The following RGS8 variants were observed in gnomAD, a reference collection of about 807,000 sequenced individuals.
RGS8 encodes regulator of G protein signaling 8.
In RGS8, 8 loss-of-function variants were observed where a neutral mutation model predicts 21.7. That is an observed-to-expected ratio of 0.37 (90% confidence interval 0.22 to 0.66). The LOEUF (loss-of-function observed/expected upper bound fraction) is 0.66. Ranked by LOEUF, RGS8 falls within the 30% of genes least tolerant of loss-of-function variation. The probability of loss-of-function intolerance (pLI) is 0.59; values close to 1 mark genes in which losing one functional copy is unlikely to be tolerated. For synonymous variants in RGS8, 80 were observed against 83.6 expected, an observed-to-expected ratio of 0.96 and a Z score of 0.24; for missense variants, 157 against 217.9, an observed-to-expected ratio of 0.72 and a Z score of 1.76.
the RGS8 span, among the ~76,000 whole-genome samples, chr1:182,707,285 G>T: frequency 6.6e-6 from 1 of 152,154 alleles, no homozygotes; most frequent in Admixed American, 6.5e-5. Context: ...ACAACCTTTT[G>T]TACTTTGCTG....
chr1:182,676,023 A>G (rs1664343327), upstream of RGS8, among the ~76,000 whole-genome samples: 1 of 152,196 alleles, frequency 6.6e-6, no homozygotes, highest in Non-Finnish European at 1.5e-5. Context: ...AACATGTTAG[A>G]CTTCTGCAGC....
chr1:182,671,785 C>T, intron 1 of RGS8, 55 bp from the exon 3 acceptor site: 1 of 1,608,448 alleles, frequency 6.2e-7, no homozygotes, highest in Non-Finnish European at 8.5e-7. Flanking sequence ...GAGTGAAGGG[C>T]ATGTGTGCAT....
chr1:182,715,314 A>C, the RGS8 span, among the ~76,000 whole-genome samples: 1 of 152,182 alleles, frequency 6.6e-6, no homozygotes, highest in Non-Finnish European at 1.5e-5. Flanking sequence ...TGTCACATAC[A>C]CAACAAATAG....
At chr1:182,648,385 A>T (rs1001549848) in intron 5 of RGS8, 82 bp from the exon 7 acceptor site, 11 of 1,419,854 alleles carry the variant, frequency 7.7e-6, no homozygotes, top group Non-Finnish European at 1.1e-5. Flanking sequence ...AGGAAGTAAT[A>T]GTGTGAGGGT....
chr1:182,644,914 C>T (rs375003968), downstream of RGS8: 163 of 152,250 alleles, frequency 1.1e-3, no homozygotes, highest in African/African-American at 3.3e-3. Flanking sequence ...CAGGTCTTTT[C>T]GGTGTCTGTG....
chr1:182,743,625 G>A, the RGS8 span, among the ~76,000 whole-genome samples: 8 of 152,204 alleles, frequency 5.3e-5, no homozygotes, highest in Non-Finnish European at 1.0e-4. Context: ...TGGTTGAACA[G>A]ACCAAAATAT....
the RGS8 span, among the ~76,000 whole-genome samples, chr1:182,706,898 T>C: frequency 1.3e-5 from 2 of 152,132 alleles, no homozygotes; most frequent in African/African-American, 4.8e-5. Context: ...AGATTTTTTT[T>C]CTAAAACTAA....
chr1:182,665,948 T>C lies in RGS8; in HGVS notation c.193+21A>G, dbSNP rs200106276. ...AAATAGATGATTTGCCATGTCATGATACGACCTGAATTCTACTTACACTTA... is the reference window on the plus strand; with the variant it reads ...AAATAGATGATTTGCCATGTCATGACACGACCTGAATTCTACTTACACTTA... On this transcript the variant is annotated intron_variant, in intron 5 of 6. Coordinates refer to ENST00000483095, the Ensembl canonical transcript of RGS8. 437 of 1,599,524 alleles carry C rather than the reference T, an allele frequency of 2.7e-4. 1 individual carries two copies. The highest frequency in any genetic ancestry group is 3.5e-4 in the South Asian group (32 of 90,770).
chr1:182,745,824 T>G, the RGS8 span, among the ~76,000 whole-genome samples: 3 of 152,176 alleles, frequency 2.0e-5, no homozygotes, highest in Admixed American at 1.3e-4. Context: ...TCCCAGTGAT[T>G]TTTCCCACAT....
intron 5 of RGS8, among the ~76,000 whole-genome samples, chr1:182,655,935 G>A (rs561602202): frequency 6.6e-6 from 1 of 152,288 alleles, no homozygotes; most frequent in Admixed American, 6.5e-5. Flanking sequence ...GCGTCACACA[G>A]CCTGGCATGA....
chr1:182,744,758 C>T, the RGS8 span, among the ~76,000 whole-genome samples: 5 of 152,154 alleles, frequency 3.3e-5, no homozygotes, highest in South Asian at 1.0e-3. Flanking sequence ...ACGAAATCAC[C>T]TACTGATGCA....
At chr1:182,725,775 T>C in the RGS8 span, among the ~76,000 whole-genome samples, 2 of 152,196 alleles carry the variant, frequency 1.3e-5, no homozygotes, top group Non-Finnish European at 2.9e-5. Context: ...CACACAGCAG[T>C]GTCTGACGTC....
chr1:182,688,592 T>C (rs1664755701), upstream of RGS8, among the ~76,000 whole-genome samples: 1 of 152,200 alleles, frequency 6.6e-6, no homozygotes, highest in African/African-American at 2.4e-5. Context: ...GAAAATATTA[T>C]CCTGGGTTAT....
the RGS8 span, among the ~76,000 whole-genome samples, chr1:182,722,106 T>C: frequency 6.6e-6 from 1 of 152,156 alleles, no homozygotes; most frequent in Non-Finnish European, 1.5e-5. Context: ...GGACGTATTA[T>C]ATCTTAGCAT....
chr1:182,707,030 G>T, the RGS8 span, among the ~76,000 whole-genome samples: 2,160 of 152,006 alleles, frequency 0.014, 62 homozygotes, highest in African/African-American at 0.049. Context: ...GTGGTGGGGG[G>T]TGCCTATAAT....
downstream of RGS8, chr1:182,643,515 A>C (rs1471526135): frequency 6.6e-6 from 1 of 152,100 alleles, no homozygotes; most frequent in African/African-American, 2.4e-5. Flanking sequence ...GGTGATTCTA[A>C]GGAGCAGCCA....
chr1:182,661,808 TCACACACACA>T (rs71127312), intron 5 of RGS8, among the ~76,000 whole-genome samples: 2,334 of 132,450 alleles, frequency 0.018, 24 homozygotes, highest in Non-Finnish European at 0.027. Context: ...GTACACACAT[TCACACACACA>T]CACACACACA....
intron 1 of RGS8, 95 bp from the exon 3 acceptor site, chr1:182,671,825 C>T: frequency 6.3e-7 from 1 of 1,595,500 alleles, no homozygotes; most frequent in Non-Finnish European, 8.5e-7. Context: ...CACACATATA[C>T]ACACACAGGC....
At chr1:182,720,402 G>A in the RGS8 span, among the ~76,000 whole-genome samples, 1 of 152,182 alleles carries the variant, frequency 6.6e-6, no homozygotes, top group African/African-American at 2.4e-5. Context: ...TGCTATGTAA[G>A]AGTATAGCCT....
Sources: gnomAD v4.1 joint callset for allele counts (sites outside exome capture counted in the v4.1 genomes callset) on GRCh38, gnomAD v4.1.1 for gene constraint, MANE v1.5 for transcripts, NCBI Gene and HGNC (gene_info 2026-07-23, HGNC 2026-07-21) for gene names.